The following NXN variants were observed in gnomAD, a reference collection of about 807,000 sequenced individuals.
NXN encodes nucleoredoxin, also known as nucleoredoxin 1.
A neutral mutation model predicts 48.6 loss-of-function variants in NXN; 16 were observed. The ratio of observed to expected loss-of-function variants is 0.33; its 90% CI spans 0.22 to 0.50. The LOEUF (loss-of-function observed/expected upper bound fraction) is 0.50, where lower values mean the gene tolerates loss of function less well. Among genes scored for constraint, NXN ranks in the 20% least tolerant of loss-of-function variants. The pLI is 0.98. For missense variants in NXN, 492 were observed against 605.5 expected (o/e 0.81, Z 1.97); for synonymous variants, 281 against 269.6 (o/e 1.04, Z -0.41).
chr17:923,010 G>A (rs1471714204), intron 1 of NXN, among the ~76,000 whole-genome samples: 1 of 152,012 alleles, frequency 6.6e-6, no homozygotes, highest in East Asian at 1.9e-4. Context: ...TGGGAGCCCA[G>A]AGTCTTCATC....
intron 1 of NXN, among the ~76,000 whole-genome samples, chr17:946,397 G>C (rs2069044244): frequency 1.3e-5 from 2 of 152,180 alleles, no homozygotes; most frequent in Admixed American, 1.3e-4. Context: ...TTGATCTCTT[G>C]ACCTCGTGAT....
chr17:901,217 G>A lies in NXN; in HGVS notation c.361-75139C>T, dbSNP rs990147700. Among the ~76,000 whole-genome samples, 6 of 145,986 alleles carry A rather than the reference G, an allele frequency of 4.1e-5. No individual in the cohort carries two copies. In the East Asian group the frequency reaches 6.0e-4, roughly 15 times the overall value. On this transcript the variant is annotated intron_variant, in intron 1 of 7. Transcript: ENST00000336868. ...ATTACAGGCATGAGCCACGGCGTCC[G>A]GCCAGATAGATCTGCATTCTCATTT...
chr17:829,307 C>A (rs1913317293), intron 1 of NXN, among the ~76,000 whole-genome samples: 2 of 151,826 alleles, frequency 1.3e-5, no homozygotes. Context: ...AGGCATGCAC[C>A]ACCTTGCCGG....
intron 1 of NXN, among the ~76,000 whole-genome samples, chr17:860,880 T>C (rs2068033453): frequency 6.6e-6 from 1 of 152,270 alleles, no homozygotes; most frequent in Admixed American, 6.5e-5. Flanking sequence ...CTTTTGGATC[T>C]AGCTCTCTGA....
At chr17:950,308 GGGAA>G (rs2069094657) in intron 1 of NXN, among the ~76,000 whole-genome samples, 1 of 152,174 alleles carries the variant, frequency 6.6e-6, no homozygotes. Flanking sequence ...GATTCGGTGG[GGGAA>G]GGGAGTGGGT....
intron 1 of NXN, among the ~76,000 whole-genome samples, chr17:831,559 CTGCAACCTCCCCTCAT>C (rs962823543): frequency 1.3e-5 from 2 of 151,944 alleles, no homozygotes; most frequent in Admixed American, 6.6e-5. Context: ...CCTCCGCTCA[CTGCAACCTCCCCTCAT>C]TGCAACCTCC....
Position 960,017 on chromosome 17 carries a change from G to A in NXN, c.360+19302C>T, listed in dbSNP as rs146665781. ...TGAGGCAGGAGAATCGCTTGAACCC[G>A]GGGGGCAGAGGTTGCGGTCAGCCGA... On this transcript the variant is annotated intron_variant, in intron 1 of 7. Coordinates refer to ENST00000336868, the MANE Select transcript of NXN (RefSeq NM_022463.5). 4.8e-4 allele frequency among the ~76,000 whole-genome samples: 73 copies of A among 152,058 alleles called. No homozygotes were observed. In the East Asian group the frequency reaches 0.01, roughly 21 times the overall value.
At chr17:860,145 A>G (rs2144776329) in intron 1 of NXN, among the ~76,000 whole-genome samples, 1 of 152,260 alleles carries the variant, frequency 6.6e-6, no homozygotes, top group South Asian at 2.1e-4. Context: ...ATTATTTAAG[A>G]CATAGTCTTG....
chr17:833,004 C>T (rs555916878), intron 1 of NXN, among the ~76,000 whole-genome samples: 74 of 152,224 alleles, frequency 4.9e-4, no homozygotes, highest in African/African-American at 1.7e-3. Context: ...CATTCTCCTG[C>T]CTCAGCCTCC....
At chr17:866,847 G>T (rs1251813664) in intron 1 of NXN, among the ~76,000 whole-genome samples, 1 of 152,270 alleles carries the variant, frequency 6.6e-6, no homozygotes, top group African/African-American at 2.4e-5. Context: ...TTTGAGCATG[G>T]GTCAGGGCAA....
intron 1 of NXN, among the ~76,000 whole-genome samples, chr17:939,344 CTTTT>C (rs34838555): frequency 1.6e-5 from 2 of 127,954 alleles, no homozygotes; most frequent in Admixed American, 8.3e-5. Flanking sequence ...TAGAAATCAG[CTTTT>C]TTTTTTTTTT....
At chr17:914,697 C>T (rs886263208) in intron 1 of NXN, among the ~76,000 whole-genome samples, 1 of 152,152 alleles carries the variant, frequency 6.6e-6, no homozygotes, top group East Asian at 1.9e-4. Context: ...AAAGAGTCCA[C>T]AGTCCATTGA....
intron 1 of NXN, among the ~76,000 whole-genome samples, chr17:832,668 C>T (rs1245621940): frequency 1.3e-5 from 2 of 152,238 alleles, no homozygotes; most frequent in East Asian, 3.9e-4. Context: ...CCCCAGTCTC[C>T]ACAGACATGT....
At chr17:801,603 C>T (rs1055416857) in intron 7 of NXN, among the ~76,000 whole-genome samples, 1 of 151,778 alleles carries the variant, frequency 6.6e-6, no homozygotes. Flanking sequence ...CCACCACGCC[C>T]GGCTAATTTT....
chr17:827,718 C>T (rs886515247), intron 1 of NXN, among the ~76,000 whole-genome samples: 3 of 152,242 alleles, frequency 2.0e-5, no homozygotes, highest in Non-Finnish European at 2.9e-5. Flanking sequence ...CTGTTTAGGC[C>T]GTTCGGCTCT....
In NXN at chr17:873,493, C is replaced by CAAAAAAAAAAAAAA. The variant is rs71145783; in HGVS notation, c.361-47429_361-47416dup. On this transcript the variant is annotated intron_variant, in intron 1 of 7. Coordinates refer to ENST00000336868, the MANE Select transcript of NXN (RefSeq NM_022463.5). ...ACCTGGGAGACAGAGACACTGTCTC[C>CAAAAAAAAAAAAAA]AAAAAAAAAAAAAAAAAGGAGTCTC... is the stretch of plus-strand genomic sequence containing the variant. Among the ~76,000 whole-genome samples the CAAAAAAAAAAAAAA allele has an allele frequency of 1.9e-3, 145 of 74,926 alleles. 5 individuals carry two copies. Among genetic ancestry groups the CAAAAAAAAAAAAAA allele is most frequent in the African/African-American group, 5.6e-3 (113 of 20,260 alleles). 49.2% of individuals were successfully genotyped at this position (74,926 alleles called of 152,430 possible).
intron 1 of NXN, among the ~76,000 whole-genome samples, chr17:891,287 G>A (rs547558127): frequency 2.0e-5 from 3 of 152,086 alleles, no homozygotes; most frequent in African/African-American, 4.8e-5. Context: ...GGCTGGTCTC[G>A]AATTCCTGAG....
At chr17:951,584 G>A (rs545265514) in intron 1 of NXN, among the ~76,000 whole-genome samples, 15 of 149,804 alleles carry the variant, frequency 1.0e-4, no homozygotes, top group Admixed American at 3.3e-4. Flanking sequence ...GGTTGGGGGC[G>A]GGAGGGTCTG....
chr17:935,819 G>A lies in NXN; in HGVS notation c.360+43500C>T, dbSNP rs142032546. ...ATAAAACCTGCAGCCTAGGCCGGGC[G>A]CAGTGACTCACGCCTATAATCCCGG... is the stretch of plus-strand genomic sequence containing the variant. On this transcript the variant is annotated intron_variant, in intron 1 of 7. Coordinates refer to ENST00000336868, the MANE Select transcript of NXN (RefSeq NM_022463.5). Among the ~76,000 whole-genome samples the A allele has an allele frequency of 9.9e-5, 15 of 152,248 alleles. No individual in the cohort carries two copies. In the East Asian group the frequency reaches 2.9e-3, roughly 29 times the overall value.
Sources: gnomAD v4.1 joint callset for allele counts (sites outside exome capture counted in the v4.1 genomes callset) on GRCh38, gnomAD v4.1.1 for gene constraint, MANE v1.5 for transcripts, NCBI Gene and HGNC (gene_info 2026-07-23, HGNC 2026-07-21) for gene names.